Variants in KCNK12 observed in about 807,000 individuals in gnomAD.
KCNK12 encodes potassium channel subfamily K member 12.
KCNK12 carries 6 observed loss-of-function variants against 25.3 expected under a neutral mutation model. The observed-to-expected ratio is 0.24, with a 90% CI of 0.13 to 0.47. The LOEUF (loss-of-function observed/expected upper bound fraction) is 0.47, where lower values mean the gene tolerates loss of function less well. KCNK12 is among the 20% of genes least tolerant of loss of function. The pLI is 0.99. For synonymous variants in KCNK12, 331 were observed against 311.1 expected, an observed-to-expected ratio of 1.06 and a Z score of -0.67; for missense variants, 444 against 661.7, an observed-to-expected ratio of 0.67 and a Z score of 3.61.
chr2:47,559,997 G>A (rs1167497069), intron 1 of KCNK12, among the ~76,000 whole-genome samples: 3 of 152,200 alleles, frequency 2.0e-5, no homozygotes, highest in African/African-American at 7.2e-5. Flanking sequence ...ACTGGCAGGC[G>A]CTTGGTGCAA....
chr2:47,541,748 G>A (rs539289666), intron 1 of KCNK12, among the ~76,000 whole-genome samples: 13 of 152,350 alleles, frequency 8.5e-5, no homozygotes, highest in African/African-American at 2.6e-4. Context: ...TGAAGATATG[G>A]AGAAGGTGGT....
intron 1 of KCNK12, among the ~76,000 whole-genome samples, chr2:47,552,122 C>G (rs9989878): frequency 0.22 from 33,294 of 152,058 alleles, 3,889 homozygotes; most frequent in African/African-American, 0.29. Context: ...AAAGAATAAG[C>G]TTTATGGAAA....
In KCNK12 at chr2:47,519,872, C is replaced by T. The variant is rs1009726074; in HGVS notation, c.*1035G>A. The stretch of plus-strand genomic sequence containing the variant: ...TGCTGCAGGCCCTGGTTCCCAAGGA[C>T]GCAGCTGGCAGAGGTGCCTCCTTCA... On this transcript the variant is annotated 3_prime_UTR_variant, in exon 2 of 2. Coordinates refer to ENST00000327876, the MANE Select transcript of KCNK12 (RefSeq NM_022055.2). 6.6e-6 allele frequency: 1 copy of T among 152,156 alleles called. No homozygotes were observed. The highest frequency in any genetic ancestry group is 2.4e-5 in the African/African-American group (1 of 41,424). 9.4% of individuals were successfully genotyped at this position (152,156 alleles called of 1,614,324 possible).
At position 47,570,250 on chromosome 2, in the gene KCNK12, GGC is replaced by G; in HGVS notation, c.80_81del (p.Cys27SerfsTer435). The G allele has an allele frequency of 6.9e-7, 1 of 1,447,432 alleles. No individual in the cohort carries two copies. The highest frequency in any genetic ancestry group is 9.1e-7 in the Non-Finnish European group (1 of 1,100,052). The allele number at this position is 1,447,432 out of a possible 1,614,324, so 89.7% of individuals were successfully genotyped here. A position where few individuals can be genotyped will look rare whatever the true frequency, so the allele number is the denominator to read the frequency against. ...LPRPSCCCCC[C>X]RRSHLNEDTG... ...GTGTCCTCGTTGAGGTGCGAACGGC[GGC>G]AGCAGCAGCAGCAGCAGGAGGGGCG... On this transcript the variant is annotated frameshift_variant, in exon 1 of 2. Coordinates refer to ENST00000327876, the MANE Select transcript of KCNK12 (RefSeq NM_022055.2). LOFTEE classifies it high-confidence loss of function.
intron 1 of KCNK12, among the ~76,000 whole-genome samples, chr2:47,534,688 C>A (rs1669022197): frequency 6.6e-6 from 1 of 152,010 alleles, no homozygotes; most frequent in Non-Finnish European, 1.5e-5. Flanking sequence ...CTACCCCGTC[C>A]CTCACTCCTC....
At chr2:47,523,089 G>C (rs888241999) in intron 1 of KCNK12, among the ~76,000 whole-genome samples, 2 of 152,216 alleles carry the variant, frequency 1.3e-5, no homozygotes, top group African/African-American at 4.8e-5. Flanking sequence ...TGTTGACTAC[G>C]AGTTTTTCTC....
Position 47,511,489 on chromosome 2 carries a change from CTG to C in KCNK12, c.*9416_*9417del, listed in dbSNP as rs930792690. ...TCCAGAACCCCAGCATCTGTGGTGT[CTG>C]TGGTGGGAGGGGCTTCCATATTACA... On this transcript the variant is annotated 3_prime_UTR_variant, in exon 2 of 2. Coordinates refer to ENST00000327876, the MANE Select transcript of KCNK12 (RefSeq NM_022055.2). The surrounding 1 kb of genome is among the most constrained non-coding windows in gnomAD (Gnocchi z 4.3). Among the ~76,000 whole-genome samples the C allele has an allele frequency of 6.6e-6, 1 of 152,194 alleles. No individual in the cohort carries two copies. Among genetic ancestry groups the C allele is most frequent in the African/African-American group, 2.4e-5 (1 of 41,450 alleles).
chr2:47,512,404 A>C lies in KCNK12; in HGVS notation c.*8503T>G. 1 of 1,611,044 alleles carries C rather than the reference A, an allele frequency of 6.2e-7. No individual in the cohort carries two copies. The highest frequency in any genetic ancestry group is 8.5e-7 in the Non-Finnish European group (1 of 1,179,162). ...GATCTGCTTGCAGTCGGCCAGAGAGACAGAACCAGGGCAGTGGTGAGCTCT... is the reference window on the plus strand; with the variant it reads ...GATCTGCTTGCAGTCGGCCAGAGAGCCAGAACCAGGGCAGTGGTGAGCTCT... On this transcript the variant is annotated 3_prime_UTR_variant, in exon 2 of 2. Coordinates refer to ENST00000327876, the MANE Select transcript of KCNK12 (RefSeq NM_022055.2).
In KCNK12 at chr2:47,519,325, TC is replaced by T. The variant is rs1573619523; in HGVS notation, c.*1581del. 2 of 151,862 alleles carry T rather than the reference TC, an allele frequency of 1.3e-5. No homozygotes were observed. Among genetic ancestry groups the T allele is most frequent in the African/African-American group, 2.4e-5 (1 of 41,216 alleles). 9.4% of individuals were successfully genotyped at this position (151,862 alleles called of 1,614,324 possible). On this transcript the variant is annotated 3_prime_UTR_variant, in exon 2 of 2. Coordinates refer to ENST00000327876, the MANE Select transcript of KCNK12 (RefSeq NM_022055.2). ...CGTGCATGTTTGTGTGTGTGTGTGT[TC>T]CACGCACATTTGCCAGGGAGAGAGA...
chr2:47,522,580 A>C (rs1668682595), intron 1 of KCNK12, among the ~76,000 whole-genome samples: 1 of 152,188 alleles, frequency 6.6e-6, no homozygotes, highest in African/African-American at 2.4e-5. Context: ...GGCTCAAGTG[A>C]TCCTTCCACC....
At position 47,515,620 on chromosome 2, in the gene KCNK12, G is replaced by C. The variant is rs1668506873; in HGVS notation, c.*5287C>G. Among the ~76,000 whole-genome samples, 1 of 152,230 alleles carries C rather than the reference G, an allele frequency of 6.6e-6. No individual in the cohort carries two copies. The highest frequency in any genetic ancestry group is 2.1e-4 in the South Asian group (1 of 4,834). On this transcript the variant is annotated 3_prime_UTR_variant, in exon 2 of 2. Transcript: ENST00000327876. ...TGCTTCTGAGTGGTCATGCTCAACAGGGTGGGGAGCCCAGGGGAGTGGGGA... is the reference window on the plus strand; with the variant it reads ...TGCTTCTGAGTGGTCATGCTCAACACGGTGGGGAGCCCAGGGGAGTGGGGA...
At chr2:47,531,808 A>C (rs1023767990) in intron 1 of KCNK12, among the ~76,000 whole-genome samples, 3 of 152,208 alleles carry the variant, frequency 2.0e-5, no homozygotes, top group African/African-American at 2.4e-5. Flanking sequence ...TCCTGTGATA[A>C]GACAGAAGTT....
chr2:47,567,570 A>C lies in KCNK12; in HGVS notation c.391+2371T>G, dbSNP rs548373201. ...ACTTATCTGACTGATGGAAGTGACC[A>C]ATTTGAACCACTGACCCCAGAATAT... On this transcript the variant is annotated intron_variant, in intron 1 of 1. Coordinates refer to ENST00000327876, the MANE Select transcript of KCNK12 (RefSeq NM_022055.2). Among the ~76,000 whole-genome samples, 47 of 152,298 alleles carry C rather than the reference A, an allele frequency of 3.1e-4. No homozygotes were observed. The South Asian group carries it at 9.1e-3, about 30-fold the overall frequency.
At chr2:47,534,438 C>CG (rs1385366715) in intron 1 of KCNK12, among the ~76,000 whole-genome samples, 4 of 144,202 alleles carry the variant, frequency 2.8e-5, no homozygotes, top group African/African-American at 1.1e-4. Flanking sequence ...CCAGGCCCCC[C>CG]CCACCGCCAC....
At chr2:47,568,779 G>C (rs897044878) in intron 1 of KCNK12, among the ~76,000 whole-genome samples, 2 of 152,236 alleles carry the variant, frequency 1.3e-5, no homozygotes, top group Admixed American at 1.3e-4. Flanking sequence ...GCACAGGAGA[G>C]AGTGCCTTAG....
chr2:47,523,537 C>A (rs1668706245), intron 1 of KCNK12, among the ~76,000 whole-genome samples: 1 of 152,250 alleles, frequency 6.6e-6, no homozygotes, highest in Non-Finnish European at 1.5e-5. Context: ...TTAAGGGTGT[C>A]TTTATCAATT....
chr2:47,527,159 C>T (rs1668797821), intron 1 of KCNK12, among the ~76,000 whole-genome samples: 1 of 152,194 alleles, frequency 6.6e-6, no homozygotes, highest in Admixed American at 6.5e-5. Flanking sequence ...AAGGAAGCTC[C>T]ATTTTTCTTA....
chr2:47,534,829 A>G (rs1172127608), intron 1 of KCNK12: 1 of 184,728 alleles, frequency 5.4e-6, no homozygotes, highest in Non-Finnish European at 1.1e-5. Context: ...GCAGCAAGAC[A>G]ATGTCAATTC....
In KCNK12 at chr2:47,516,661, T is replaced by A. The variant is rs1034580080; in HGVS notation, c.*4246A>T. On this transcript the variant is annotated 3_prime_UTR_variant, in exon 2 of 2. Transcript: ENST00000327876. Reference sequence around the variant, plus strand: ...AATGCTGCTCAGAAAAATAGATGTATTGTTTGAGAAACCCTGCAGGCTTGT... The same window carrying A: ...AATGCTGCTCAGAAAAATAGATGTAATGTTTGAGAAACCCTGCAGGCTTGT... 1 of 152,214 alleles carries A rather than the reference T, an allele frequency of 6.6e-6. No homozygotes were observed. Among genetic ancestry groups the A allele is most frequent in the Admixed American group, 6.5e-5 (1 of 15,272 alleles). 9.4% of individuals were successfully genotyped at this position (152,214 alleles called of 1,614,324 possible). A position where few individuals can be genotyped will look rare whatever the true frequency, so the allele number is the denominator to read the frequency against.
Sources: gnomAD v4.1 joint callset for allele counts (sites outside exome capture counted in the v4.1 genomes callset) on GRCh38, gnomAD v4.1.1 for gene constraint, Gnocchi (gnomAD v3.1) non-coding constraint, MANE v1.5 for transcripts, NCBI Gene and HGNC (gene_info 2026-07-23, HGNC 2026-07-21) for gene names.